NEDD4L: variants seen among roughly 807,000 people sequenced by gnomAD.
The protein encoded by NEDD4L is E3 ubiquitin-protein ligase NEDD4-like.
In NEDD4L, 54 loss-of-function variants were observed where a neutral mutation model predicts 148.9. The ratio of observed to expected loss-of-function variants is 0.36; its 90% CI spans 0.29 to 0.45. The LOEUF is 0.45. Ranked by LOEUF, NEDD4L falls within the 20% of genes least tolerant of loss-of-function variation. The pLI, the probability that NEDD4L is intolerant of heterozygous loss-of-function variation, is 1.00. For synonymous variants in NEDD4L, 433 were observed against 440.7 expected (o/e 0.98, Z 0.22); for missense variants, 856 against 1,233.8 (o/e 0.69, Z 4.59).
chr18:58,270,270 G>A (rs1378482372), intron 5 of NEDD4L, among the ~76,000 whole-genome samples: 1 of 152,218 alleles, frequency 6.6e-6, no homozygotes, highest in Non-Finnish European at 1.5e-5. Context: ...AAGCGAAGTA[G>A]TAAAGAGGAA....
chr18:58,047,469 G>T (rs559980338), intron 1 of NEDD4L: 1 of 985,402 alleles, frequency 1.0e-6, no homozygotes, highest in Admixed American at 6.1e-5. Flanking sequence ...CTTAGGTGCT[G>T]TTCCTTGCGT....
intron 1 of NEDD4L, among the ~76,000 whole-genome samples, chr18:58,142,238 C>CG (rs1483398404): frequency 2.3e-4 from 35 of 150,852 alleles, no homozygotes; most frequent in Non-Finnish European, 4.6e-4. Context: ...TTTGTAGAGA[C>CG]GGGATTTCAC....
intron 8 of NEDD4L, among the ~76,000 whole-genome samples, chr18:58,323,541 C>T (rs865961367): frequency 1.4e-4 from 22 of 152,288 alleles, no homozygotes; most frequent in African/African-American, 5.1e-4. Flanking sequence ...CACCAATCCT[C>T]GGAGAGATTT....
chr18:58,195,623 G>A (rs1389356021), intron 2 of NEDD4L: 2 of 1,348,668 alleles, frequency 1.5e-6, no homozygotes, highest in African/African-American at 3.0e-5. Context: ...GCGGAGACCA[G>A]GATTTCTCCT....
chr18:58,182,668 G>C (rs2038991619), intron 2 of NEDD4L, among the ~76,000 whole-genome samples: 1 of 152,060 alleles, frequency 6.6e-6, no homozygotes, highest in Non-Finnish European at 1.5e-5. Flanking sequence ...TTTTAGTAGA[G>C]ATGGAGTTTC....
chr18:58,330,783 C>G lies in NEDD4L; in HGVS notation c.859C>G (p.Leu287Val). ...GGAAGTGAATATCGCTGGAGACTCTCTCGGTCTGGCTCTGCCCCCACCACC... is the reference window on the plus strand; with the variant it reads ...GGAAGTGAATATCGCTGGAGACTCTGTCGGTCTGGCTCTGCCCCCACCACC... ...SEEVNIAGDS[L>V]GLALPPPPAS... The change falls in exon 11 of 31, where the codon CTC becomes GTC. Residue 287 changes from leucine to valine, a missense_variant. Leu to Val is a conservative substitution (Grantham distance 32). Coordinates refer to ENST00000400345, the MANE Select transcript of NEDD4L (RefSeq NM_001144967.3). 6.2e-7 allele frequency: 1 copy of G among 1,612,672 alleles called. No individual in the cohort carries two copies. Among genetic ancestry groups the G allele is most frequent in the South Asian group, 1.1e-5 (1 of 90,898 alleles).
chr18:58,345,064 A>G lies in NEDD4L; in HGVS notation c.1575+1961A>G, dbSNP rs192669882. On this transcript the variant is annotated intron_variant, in intron 16 of 30. Coordinates refer to ENST00000400345, the MANE Select transcript of NEDD4L (RefSeq NM_001144967.3). ...CTTGCAACATTGCTGAATGAAACCC[A>G]TTTTTACTTTCCAGTTGCGCCTGTT... 5.3e-3 allele frequency among the ~76,000 whole-genome samples: 803 copies of G among 152,298 alleles called. 4 individuals carry two copies. Among genetic ancestry groups the G allele is most frequent in the Non-Finnish European group, 6.9e-3 (468 of 68,028 alleles).
chr18:58,054,056 C>G lies in NEDD4L; in HGVS notation c.48+9348C>G, dbSNP rs773252354. Among the ~76,000 whole-genome samples the G allele has an allele frequency of 1.4e-3, 212 of 152,258 alleles. No homozygotes were observed. The Middle Eastern group carries it at 0.017, about 12-fold the overall frequency. ...TTTTTCTTGTTTAATTGAAGATGTT[C>G]GTGTTGAATGGGTTTTATTTACATG... On this transcript the variant is annotated intron_variant, in intron 1 of 30. Transcript: ENST00000400345.
intron 5 of NEDD4L, among the ~76,000 whole-genome samples, chr18:58,260,262 A>C (rs544806955): frequency 3.3e-5 from 5 of 152,252 alleles, no homozygotes; most frequent in African/African-American, 1.2e-4. Context: ...GATTCAATCA[A>C]CTTTCTTTCT....
At chr18:58,222,720 G>A (rs1036118249) in intron 2 of NEDD4L, among the ~76,000 whole-genome samples, 1 of 152,192 alleles carries the variant, frequency 6.6e-6, no homozygotes, top group Non-Finnish European at 1.5e-5. Context: ...TAAGTGTTAA[G>A]ATGGCCGGAA....
chr18:58,113,469 G>T (rs28604973), intron 1 of NEDD4L, among the ~76,000 whole-genome samples: 5,215 of 152,288 alleles, frequency 0.034, 283 homozygotes, highest in African/African-American at 0.12. Flanking sequence ...GAGTCAGGAA[G>T]AACCTTTTTG....
intron 5 of NEDD4L, among the ~76,000 whole-genome samples, chr18:58,312,414 ATTGAT>A (rs1435160527): frequency 3.9e-5 from 6 of 152,232 alleles, no homozygotes; most frequent in African/African-American, 1.4e-4. Flanking sequence ...ATCATTAAAA[ATTGAT>A]TTGATTAATG....
intron 2 of NEDD4L, among the ~76,000 whole-genome samples, chr18:58,208,386 C>T (rs1419489875): frequency 3.9e-5 from 6 of 152,178 alleles, no homozygotes; most frequent in Non-Finnish European, 7.3e-5. Context: ...GGTTGAGCCT[C>T]CTTCTCAGCC....
chr18:58,203,901 C>T (rs1326391144), intron 2 of NEDD4L, among the ~76,000 whole-genome samples: 2 of 152,128 alleles, frequency 1.3e-5, no homozygotes, highest in Non-Finnish European at 2.9e-5. Flanking sequence ...AAGATTTATA[C>T]TAATCTTATC....
At chr18:58,267,313 T>C (rs62094547) in intron 5 of NEDD4L, among the ~76,000 whole-genome samples, 34,190 of 151,852 alleles carry the variant, frequency 0.23, 4,471 homozygotes, top group African/African-American at 0.33. Context: ...ATATTTCATA[T>C]TTTAAGATCA....
chr18:58,230,079 T>C (rs767851943), intron 2 of NEDD4L, among the ~76,000 whole-genome samples: 7 of 152,164 alleles, frequency 4.6e-5, no homozygotes, highest in Non-Finnish European at 7.3e-5. Context: ...AAAATGACGC[T>C]AAGAATGTAA....
intron 1 of NEDD4L, among the ~76,000 whole-genome samples, chr18:58,065,831 C>A (rs923803705): frequency 2.0e-5 from 3 of 152,170 alleles, no homozygotes; most frequent in Non-Finnish European, 4.4e-5. Flanking sequence ...TGGGAAAAAA[C>A]GTGTTTGCCA....
chr18:58,224,732 A>G (rs1453086142), intron 2 of NEDD4L, among the ~76,000 whole-genome samples: 1 of 152,184 alleles, frequency 6.6e-6, no homozygotes, highest in Non-Finnish European at 1.5e-5. Flanking sequence ...GTCAGTTACC[A>G]AATATTTCCT....
intron 2 of NEDD4L, chr18:58,193,796 C>T (rs182654886): frequency 2.0e-5 from 3 of 152,394 alleles, no homozygotes; most frequent in Admixed American, 1.3e-4. Context: ...CACAGCTTTC[C>T]TGAACAGCTA....
Sources: allele counts gnomAD v4.1 joint callset (sites outside exome capture counted in the v4.1 genomes callset), GRCh38; gene constraint gnomAD v4.1.1; transcripts MANE v1.5; gene names NCBI Gene and HGNC (gene_info 2026-07-23, HGNC 2026-07-21).